The following SNX30 variants were observed in gnomAD, a reference collection of about 807,000 sequenced individuals.
SNX30 encodes sorting nexin-30.
Under a neutral mutation model 46.4 loss-of-function variants are expected in SNX30, and 24 were observed. That is an observed-to-expected ratio of 0.52 (90% CI 0.37 to 0.73). The LOEUF is 0.73. Among genes scored for constraint, SNX30 ranks in the 30% least tolerant of loss-of-function variants. The pLI is 0.00. For synonymous variants in SNX30, 189 were observed against 211.5 expected (o/e 0.89, Z 0.92); for missense variants, 533 against 555.7 (o/e 0.96, Z 0.41).
rs1458922388 is a variant in SNX30, at chr9:112,868,831, A to G, written c.1302A>G (p.Gln434=). 8.1e-6 allele frequency: 13 copies of G among 1,614,040 alleles called. No homozygotes were observed. The highest frequency in any genetic ancestry group is 4.5e-5 in the East Asian group (2 of 44,890). ...TTATTCCACTACTGCAGGAGAAACA[A>G]GAGGCCAAGTAAAGTTCTTTCTTGG... ...ESIIPLLQEK[Q]EAK is the part of the protein sequence containing the mutation. Residue 434 remains glutamine, a synonymous_variant, in exon 9 of 9, where the codon CAA becomes CAG. Transcript: ENST00000374232.
chr9:112,793,032 A>G (rs985025304), intron 1 of SNX30, among the ~76,000 whole-genome samples: 2 of 152,128 alleles, frequency 1.3e-5, no homozygotes, highest in Non-Finnish European at 2.9e-5. Context: ...GGTCTGAGTG[A>G]TGAGCTAATG....
intron 2 of SNX30, among the ~76,000 whole-genome samples, chr9:112,816,843 G>A (rs1840404432): frequency 6.6e-6 from 1 of 152,116 alleles, no homozygotes; most frequent in Non-Finnish European, 1.5e-5. Flanking sequence ...GGGAAAAATG[G>A]CTTATGTGAG....
chr9:112,823,685 CAG>C (rs1165272019), intron 3 of SNX30, among the ~76,000 whole-genome samples: 3 of 151,954 alleles, frequency 2.0e-5, no homozygotes, highest in Non-Finnish European at 2.9e-5. Flanking sequence ...GTAGTAAACT[CAG>C]AGGAATTAAT....
At chr9:112,822,473 A>G (rs1840515829) in intron 3 of SNX30, among the ~76,000 whole-genome samples, 1 of 151,584 alleles carries the variant, frequency 6.6e-6, no homozygotes. Context: ...TACCATCACC[A>G]CAATCAAGGT....
intron 1 of SNX30, among the ~76,000 whole-genome samples, chr9:112,754,553 C>T (rs932010643): frequency 2.0e-5 from 3 of 151,868 alleles, no homozygotes; most frequent in Admixed American, 6.6e-5. Flanking sequence ...TTACAGGTGA[C>T]TGCCACCACA....
At chr9:112,813,546 G>A (rs920655331) in intron 2 of SNX30, among the ~76,000 whole-genome samples, 2 of 149,336 alleles carry the variant, frequency 1.3e-5, no homozygotes, top group African/African-American at 4.9e-5. Flanking sequence ...TTGGCTCAGT[G>A]TAACCTCTGC....
intron 3 of SNX30, among the ~76,000 whole-genome samples, chr9:112,820,360 T>C (rs1157606316): frequency 6.6e-6 from 1 of 152,184 alleles, no homozygotes; most frequent in African/African-American, 2.4e-5. Flanking sequence ...AAAAATTTTA[T>C]AGTAGCTTTG....
At chr9:112,760,765 A>C (rs1346093354) in intron 1 of SNX30, among the ~76,000 whole-genome samples, 1 of 152,240 alleles carries the variant, frequency 6.6e-6, no homozygotes, top group Non-Finnish European at 1.5e-5. Flanking sequence ...GTGACCTTAA[A>C]ATATGACTTG....
chr9:112,862,236 C>G (rs1841250288), intron 7 of SNX30, among the ~76,000 whole-genome samples: 1 of 152,226 alleles, frequency 6.6e-6, no homozygotes, highest in Non-Finnish European at 1.5e-5. Flanking sequence ...AGTCCTGATT[C>G]AGAGACCCTG....
intron 7 of SNX30, among the ~76,000 whole-genome samples, chr9:112,862,782 C>T (rs965412953): frequency 6.6e-6 from 1 of 151,834 alleles, no homozygotes; most frequent in Non-Finnish European, 1.5e-5. Flanking sequence ...AGGCTGGTCT[C>T]AAATTCCTGA....
intron 1 of SNX30, among the ~76,000 whole-genome samples, chr9:112,773,115 T>C (rs1032220726): frequency 6.6e-6 from 1 of 152,200 alleles, no homozygotes; most frequent in African/African-American, 2.4e-5. Context: ...GTTAGAGCAA[T>C]GTAGGTGTGA....
In SNX30 at chr9:112,836,392, T is replaced by C; in HGVS notation, c.797T>C (p.Ile266Thr). ...LGTIDRIAQR[I>T]IKEEIEYLVE... ...ACCATTGATCGAATAGCCCAGCGGA[T>C]CATCAAAGAAGAAATAGGTGAGCTG... The change falls in exon 5 of 9, where the codon ATC becomes ACC. Residue 266 changes from isoleucine to threonine, a missense_variant. Ile to Thr is a moderately conservative substitution (Grantham distance 89). Transcript: ENST00000374232. The C allele has an allele frequency of 6.3e-7, 1 of 1,595,084 alleles. No homozygotes were observed. The highest frequency in any genetic ancestry group is 8.6e-7 in the Non-Finnish European group (1 of 1,163,804).
intron 6 of SNX30, among the ~76,000 whole-genome samples, chr9:112,848,761 G>T (rs1283469401): frequency 6.6e-6 from 1 of 152,224 alleles, no homozygotes; most frequent in Non-Finnish European, 1.5e-5. Flanking sequence ...GCAGGCCCAG[G>T]CCAACTGGAG....
intron 6 of SNX30, among the ~76,000 whole-genome samples, chr9:112,849,706 C>G (rs1213401198): frequency 6.6e-6 from 1 of 152,216 alleles, no homozygotes; most frequent in African/African-American, 2.4e-5. Flanking sequence ...ACAACACTCT[C>G]AACTCTTCAG....
At chr9:112,864,716 G>C (rs1336971693) in intron 8 of SNX30, among the ~76,000 whole-genome samples, 1 of 152,084 alleles carries the variant, frequency 6.6e-6, no homozygotes, top group Non-Finnish European at 1.5e-5. Flanking sequence ...TGCTGCCACC[G>C]AATGGAGGCT....
At chr9:112,834,238 C>T (rs984906869) in intron 4 of SNX30, among the ~76,000 whole-genome samples, 1 of 152,066 alleles carries the variant, frequency 6.6e-6, no homozygotes, top group Non-Finnish European at 1.5e-5. Flanking sequence ...TTAATTTGCA[C>T]ATTATTTGCC....
intron 1 of SNX30, among the ~76,000 whole-genome samples, chr9:112,770,857 G>A (rs551221777): frequency 1.3e-4 from 20 of 152,258 alleles, no homozygotes; most frequent in Non-Finnish European, 2.6e-4. Context: ...TTAGCTGGGC[G>A]TGGTGGCGCG....
intron 1 of SNX30, among the ~76,000 whole-genome samples, chr9:112,755,331 AC>A (rs1406358257): frequency 6.6e-6 from 1 of 152,200 alleles, no homozygotes. Context: ...GCCGGAAGGC[AC>A]AGGGCTGGTG....
At position 112,869,607 on chromosome 9, in the gene SNX30, C is replaced by G. The variant is rs1217086511; in HGVS notation, c.*764C>G. ...AACTTTTTGTGTAAAATGAAAAAAA[C>G]AAAGTGCTGGTTTTTTTTTTTTTTC... On this transcript the variant is annotated 3_prime_UTR_variant, in exon 9 of 9. Coordinates refer to ENST00000374232, the MANE Select transcript of SNX30 (RefSeq NM_001012994.2). The G allele has an allele frequency of 2.8e-5, 4 of 142,346 alleles. No individual in the cohort carries two copies. The highest frequency in any genetic ancestry group is 2.3e-4 in the Admixed American group (3 of 13,328). 8.8% of individuals were successfully genotyped at this position (142,346 alleles called of 1,614,324 possible).
Sources: gnomAD v4.1 joint callset for allele counts (sites outside exome capture counted in the v4.1 genomes callset) on GRCh38, gnomAD v4.1.1 for gene constraint, MANE v1.5 for transcripts, NCBI Gene and HGNC (gene_info 2026-07-23, HGNC 2026-07-21) for gene names.